The following RILPL1 variants were observed in gnomAD, a reference collection of about 807,000 sequenced individuals.
RILPL1 encodes the protein Rab interacting lysosomal protein like 1, also known as RILP-like protein 1.
Under a neutral mutation model 50.3 loss-of-function variants are expected in RILPL1, and 33 were observed. The observed-to-expected ratio is 0.66, with a 90% CI of 0.50 to 0.88. The LOEUF (loss-of-function observed/expected upper bound fraction) is 0.88, where lower values mean the gene tolerates loss of function less well. RILPL1 is among the 40% of genes least tolerant of loss of function. The pLI, the probability that RILPL1 is intolerant of heterozygous loss-of-function variation, is 0.00. For synonymous variants in RILPL1, 205 were observed against 228.6 expected, an observed-to-expected ratio of 0.90 and a Z score of 0.93; for missense variants, 418 against 542.5, an observed-to-expected ratio of 0.77 and a Z score of 2.28.
At chr12:123,501,143 T>C (rs1394142270) in intron 2 of RILPL1, among the ~76,000 whole-genome samples, 1 of 148,698 alleles carries the variant, frequency 6.7e-6, no homozygotes, top group Non-Finnish European at 1.5e-5. Flanking sequence ...AAAAATAAAA[T>C]AAAATAAAAG....
At chr12:123,512,141 A>G (rs1271097326) in intron 2 of RILPL1, among the ~76,000 whole-genome samples, 39 of 33,744 alleles carry the variant, frequency 1.2e-3, no homozygotes, top group Admixed American at 2.3e-3. Context: ...GGTGTGTGTG[A>G]GGTCTGTGTG....
At chr12:123,493,520 C>T (rs956202945) in intron 4 of RILPL1, among the ~76,000 whole-genome samples, 2 of 152,216 alleles carry the variant, frequency 1.3e-5, no homozygotes, top group Non-Finnish European at 2.9e-5. Context: ...CCAAGTCTCT[C>T]GTTCCACCTT....
At chr12:123,521,922 C>T (rs1163143689) in intron 2 of RILPL1, among the ~76,000 whole-genome samples, 1 of 151,666 alleles carries the variant, frequency 6.6e-6, no homozygotes, top group Non-Finnish European at 1.5e-5. Flanking sequence ...CTACAGGCGC[C>T]CGCCTCCAGG....
At position 123,507,670 on chromosome 12, in the gene RILPL1, G is replaced by A. The variant is rs1260999745; in HGVS notation, c.461-8134C>T. ...AAAATGGTACAGCTAGGCCGTGCACGGTGGCTCACGCCTGTAATCCCAGCA... is the reference window on the plus strand; with the variant it reads ...AAAATGGTACAGCTAGGCCGTGCACAGTGGCTCACGCCTGTAATCCCAGCA... On this transcript the variant is annotated intron_variant, in intron 2 of 6. Transcript: ENST00000376874. Among the ~76,000 whole-genome samples the A allele has an allele frequency of 4.0e-5, 6 of 151,054 alleles. 1 individual carries two copies. The highest frequency in any genetic ancestry group is 2.0e-4 in the Admixed American group (3 of 15,182).
At chr12:123,526,349 T>C (rs1885258017) in intron 1 of RILPL1, among the ~76,000 whole-genome samples, 1 of 137,780 alleles carries the variant, frequency 7.3e-6, no homozygotes, top group South Asian at 2.4e-4. Flanking sequence ...TAAAATAAAA[T>C]AGTGGTTCAA....
chr12:123,511,890 GTGTGAGATCTGTA>G, intron 2 of RILPL1, among the ~76,000 whole-genome samples: 1 of 133,290 alleles, frequency 7.5e-6, no homozygotes, highest in Non-Finnish European at 1.6e-5. Flanking sequence ...TGTGTGTGTG[GTGTGAGATCTGTA>G]TGTGTGAGGT....
At chr12:123,501,500 G>A (rs1471534515) in intron 2 of RILPL1, among the ~76,000 whole-genome samples, 1 of 152,014 alleles carries the variant, frequency 6.6e-6, no homozygotes, top group East Asian at 1.9e-4. Flanking sequence ...GGTGGCTCAC[G>A]CCTGTAATCC....
intron 2 of RILPL1, among the ~76,000 whole-genome samples, chr12:123,511,519 CTGTGTGTGGTG>C (rs1566135830): frequency 1.2e-5 from 1 of 85,886 alleles, no homozygotes; most frequent in African/African-American, 4.8e-5. Context: ...TGTCTGAGGT[CTGTGTGTGGTG>C]TGTGTGAGGT....
intron 6 of RILPL1, among the ~76,000 whole-genome samples, chr12:123,478,576 C>T (rs970423742): frequency 2.0e-3 from 13 of 6,500 alleles, no homozygotes; most frequent in Admixed American, 8.2e-3. Flanking sequence ...TGGGCTGGAG[C>T]GAGGGGGGTG....
At position 123,471,072 on chromosome 12, in the gene RILPL1, CTT is replaced by C. The variant is rs869229964; in HGVS notation, c.*1464_*1465del. On this transcript the variant is annotated 3_prime_UTR_variant, in exon 7 of 7. Transcript: ENST00000376874. ...AATTCACCTGATGGTTTCTTTCTTT[CTT>C]TTTTTTTTTTTTTTTAGATGAAGTC... The C allele has an allele frequency of 6.5e-4, 87 of 134,330 alleles. No individual in the cohort carries two copies. Among genetic ancestry groups the C allele is most frequent in the Admixed American group, 1.2e-3 (16 of 13,288 alleles). 8.3% of individuals were successfully genotyped at this position (134,330 alleles called of 1,614,324 possible).
At chr12:123,499,092 C>T (rs1368877906) in intron 3 of RILPL1, among the ~76,000 whole-genome samples, 1 of 152,154 alleles carries the variant, frequency 6.6e-6, no homozygotes, top group Admixed American at 6.5e-5. Flanking sequence ...GCACGCTGGA[C>T]CCTGCTAAGT....
At chr12:123,478,342 C>T (rs1305255214) in intron 6 of RILPL1, among the ~76,000 whole-genome samples, 1 of 152,040 alleles carries the variant, frequency 6.6e-6, no homozygotes, top group African/African-American at 2.4e-5. Flanking sequence ...ATGGCCCCTT[C>T]CCTTACTATT....
At chr12:123,510,827 A>G (rs1407886304) in intron 2 of RILPL1, among the ~76,000 whole-genome samples, 11 of 65,034 alleles carry the variant, frequency 1.7e-4, no homozygotes, top group South Asian at 6.0e-4. Flanking sequence ...AGGTCTGTGT[A>G]TGGTGTGTGT....
At chr12:123,492,131 T>TATGG (rs1882732909) in intron 4 of RILPL1, among the ~76,000 whole-genome samples, 1 of 151,502 alleles carries the variant, frequency 6.6e-6, no homozygotes, top group Non-Finnish European at 1.5e-5. Flanking sequence ...AAAATTAGCC[T>TATGG]ATCATGGTGG....
At chr12:123,482,977 G>A (rs1882097613) in intron 6 of RILPL1, among the ~76,000 whole-genome samples, 1 of 152,142 alleles carries the variant, frequency 6.6e-6, no homozygotes, top group African/African-American at 2.4e-5. Context: ...TCTACTCACA[G>A]GGCAAGAACT....
rs764212242 is a variant in RILPL1 at position 123,472,573 on chromosome 12, T to C, written c.1177A>G (p.Thr393Ala). 8 of 1,554,272 alleles carry C rather than the reference T, an allele frequency of 5.1e-6. No individual in the cohort carries two copies. Among genetic ancestry groups the C allele is most frequent in the Non-Finnish European group, 6.1e-6 (7 of 1,148,384 alleles). ...WANTHRDDGY[T>A]EQGQEALQHL is the part of the protein sequence containing the mutation. The stretch of plus-strand genomic sequence containing the variant: ...TGCAGGGCTTCCTGTCCTTGCTCTG[T>C]GTAACCGTCATCGCGGTGGGTGTTT... Residue 393 changes from threonine (T) to alanine (A), a missense_variant, in exon 7 of 7, where the codon ACA becomes GCA. Coordinates refer to ENST00000376874, the MANE Select transcript of RILPL1 (RefSeq NM_178314.5).
intron 4 of RILPL1, among the ~76,000 whole-genome samples, chr12:123,493,155 T>C (rs951843577): frequency 2.0e-5 from 3 of 152,220 alleles, no homozygotes; most frequent in Non-Finnish European, 4.4e-5. Context: ...CGATTGTACG[T>C]TCCATCTACT....
chr12:123,501,747 G>A (rs574100394), intron 2 of RILPL1, among the ~76,000 whole-genome samples: 1 of 126,734 alleles, frequency 7.9e-6, no homozygotes, highest in Non-Finnish European at 1.6e-5. Flanking sequence ...GCAACAGTTC[G>A]AGACTCTGTC....
At chr12:123,501,164 A>G (rs367739442) in intron 2 of RILPL1, among the ~76,000 whole-genome samples, 2 of 151,738 alleles carry the variant, frequency 1.3e-5, no homozygotes, top group East Asian at 3.9e-4. Context: ...ATGGCCACGC[A>G]TCTTGGCTCA....
Sources: gnomAD v4.1 joint callset for allele counts (sites outside exome capture counted in the v4.1 genomes callset) on GRCh38, gnomAD v4.1.1 for gene constraint, MANE v1.5 for transcripts, NCBI Gene and HGNC (gene_info 2026-07-23, HGNC 2026-07-21) for gene names.